The following FAM161A variants were observed in gnomAD, a reference collection of about 807,000 sequenced individuals.
FAM161A encodes the protein protein FAM161A.
A neutral mutation model predicts 70.9 loss-of-function variants in FAM161A; 57 were observed. The observed-to-expected ratio is 0.80, with a 90% CI of 0.65 to 1.00. The LOEUF is 1.00. Among genes scored for constraint, FAM161A ranks in the 50% least tolerant of loss-of-function variants. The pLI, the probability that FAM161A is intolerant of heterozygous loss-of-function variation, is 0.00. For missense variants in FAM161A, 880 were observed against 836.0 expected (o/e 1.05, Z -0.65); for synonymous variants, 299 against 295.7 (o/e 1.01, Z -0.12).
chr2:61,853,288 T>A (rs144839238), intron 1 of FAM161A, among the ~76,000 whole-genome samples: 40 of 152,208 alleles, frequency 2.6e-4, no homozygotes, highest in African/African-American at 8.9e-4. Flanking sequence ...CACAACAGAT[T>A]TAACAATGAA....
At chr2:61,823,362 CAT>C (rs59631970), downstream of FAM161A, among the ~76,000 whole-genome samples, 2,022 of 120,016 alleles carry the variant, frequency 0.017, 139 homozygotes, top group African/African-American at 0.059. Context: ...AATTTTCCAT[CAT>C]ATATATATAT....
chr2:61,803,416 G>C, the FAM161A span: 1 of 686,014 alleles, frequency 1.5e-6, no homozygotes, highest in South Asian at 1.5e-5. Flanking sequence ...GAACAGAATG[G>C]AGAAAGTCAG....
chr2:61,849,514 G>A lies in FAM161A; in HGVS notation c.183+4345C>T, dbSNP rs574990341. Reference sequence around the variant, plus strand: ...AAAATAAAAAAATTAGGCCAGGATGGTGGCTCAGGCCTGTAATCACAGCAC... The same window carrying A: ...AAAATAAAAAAATTAGGCCAGGATGATGGCTCAGGCCTGTAATCACAGCAC... On this transcript the variant is annotated intron_variant, in intron 1 of 6. Coordinates refer to ENST00000404929, the MANE Select transcript of FAM161A (RefSeq NM_001201543.2). Among the ~76,000 whole-genome samples the A allele has an allele frequency of 3.3e-5, 5 of 152,060 alleles. No homozygotes were observed. The South Asian group carries it at 8.3e-4, about 25-fold the overall frequency.
At chr2:61,846,910 G>A (rs1178079423) in intron 1 of FAM161A, 1 of 454,938 alleles carries the variant, frequency 2.2e-6, no homozygotes, top group African/African-American at 2.0e-5. Context: ...GCCAGGCACA[G>A]TGGTTCATGC....
chr2:61,850,252 C>T (rs889280930), intron 1 of FAM161A, among the ~76,000 whole-genome samples: 33 of 152,050 alleles, frequency 2.2e-4, no homozygotes, highest in South Asian at 2.1e-4. Flanking sequence ...CAAAATTAGC[C>T]GGGCGTGGTG....
In FAM161A at chr2:61,838,696, A is replaced by C; in HGVS notation, c.1593T>G (p.Leu531=). 1.2e-6 allele frequency: 2 copies of C among 1,607,306 alleles called. No homozygotes were observed. Among genetic ancestry groups the C allele is most frequent in the Non-Finnish European group, 1.7e-6 (2 of 1,177,360 alleles). The part of the protein sequence containing the change: ...RGREQAVRRS[L]EEKKMLEEER... ...CTTCTTCCAACATTTTCTTTTCCTCAAGTGATCTCCTGAGGGTAACAAACT... is the reference window on the plus strand; with the variant it reads ...CTTCTTCCAACATTTTCTTTTCCTCCAGTGATCTCCTGAGGGTAACAAACT... The change falls in exon 4 of 7, where the codon CTT becomes CTG. Residue 531 remains leucine (L), a synonymous_variant. Coordinates refer to ENST00000404929, the MANE Select transcript of FAM161A (RefSeq NM_001201543.2).
At chr2:61,804,768 GAGAAAGAAAGAA>G in the FAM161A span, among the ~76,000 whole-genome samples, 399 of 119,034 alleles carry the variant, frequency 3.4e-3, 2 homozygotes, top group Middle Eastern at 0.042. Context: ...GAAAAAGAAA[GAGAAAGAAAGAA>G]AGAAAGAAAG....
downstream of FAM161A, chr2:61,820,201 A>G: frequency 1.8e-6 from 1 of 557,424 alleles, no homozygotes; most frequent in Non-Finnish European, 3.2e-6. Flanking sequence ...CACTGCTGTC[A>G]TGTCTAAGTC....
the FAM161A span, among the ~76,000 whole-genome samples, chr2:61,814,574 A>G: frequency 1.3e-5 from 2 of 152,040 alleles, no homozygotes; most frequent in Non-Finnish European, 1.5e-5. Flanking sequence ...AATTAGCCAG[A>G]CTTGATGATG....
chr2:61,802,036 A>T, the FAM161A span, among the ~76,000 whole-genome samples: 1 of 152,200 alleles, frequency 6.6e-6, no homozygotes, highest in Non-Finnish European at 1.5e-5. Context: ...ATCAGATTTA[A>T]TTTTCAATTA....
chr2:61,815,535 C>CTTTT, the FAM161A span, among the ~76,000 whole-genome samples: 120 of 53,252 alleles, frequency 2.3e-3, 4 homozygotes, highest in African/African-American at 2.5e-3. Context: ...AAAGATGTGT[C>CTTTT]TTTTTTTTTT....
chr2:61,829,242 T>C (rs1436128652), intron 5 of FAM161A, among the ~76,000 whole-genome samples: 1 of 152,182 alleles, frequency 6.6e-6, no homozygotes, highest in Non-Finnish European at 1.5e-5. Flanking sequence ...TTTCTCTAAG[T>C]GGTAGTGGTC....
the FAM161A span, among the ~76,000 whole-genome samples, chr2:61,806,680 CTTTTTTTTTTT>C: frequency 0.1 from 6,245 of 61,304 alleles, 125 homozygotes; most frequent in Middle Eastern, 0.17. Flanking sequence ...CTTTCCACGT[CTTTTTTTTTTT>C]TTTTTTTTTT....
At chr2:61,839,388 T>C (rs766078167) in intron 3 of FAM161A, 33 bp downstream of exon 3, 6 of 1,606,914 alleles carry the variant, frequency 3.7e-6, no homozygotes, top group African/African-American at 1.3e-5. Flanking sequence ...CTGGCAACCA[T>C]GAGTCAGTCA....
the FAM161A span, among the ~76,000 whole-genome samples, chr2:61,802,759 A>T: frequency 6.6e-6 from 1 of 152,212 alleles, no homozygotes; most frequent in Admixed American, 6.6e-5. Flanking sequence ...CCTATGCACC[A>T]GGCACTATAG....
chr2:61,814,394 A>C, the FAM161A span, among the ~76,000 whole-genome samples: 1 of 152,344 alleles, frequency 6.6e-6, no homozygotes, highest in South Asian at 2.1e-4. Flanking sequence ...TGCTTGCTGT[A>C]ACATGAGTTG....
At chr2:61,809,509 C>T in the FAM161A span, among the ~76,000 whole-genome samples, 1 of 152,184 alleles carries the variant, frequency 6.6e-6, no homozygotes, top group Admixed American at 6.5e-5. Flanking sequence ...TCTCCGTTAG[C>T]ATGTCTATGG....
chr2:61,809,060 A>C, the FAM161A span, among the ~76,000 whole-genome samples: 3 of 152,104 alleles, frequency 2.0e-5, no homozygotes, highest in Non-Finnish European at 4.4e-5. Flanking sequence ...TTTAGTAGAG[A>C]CGAGGTTTTG....
the FAM161A span, among the ~76,000 whole-genome samples, chr2:61,813,367 C>T: frequency 7.0e-6 from 1 of 143,112 alleles, no homozygotes; most frequent in African/African-American, 2.6e-5. Context: ...ATGGTGACAC[C>T]TCGTCTCTAC....
Sources: allele counts gnomAD v4.1 joint callset (sites outside exome capture counted in the v4.1 genomes callset), GRCh38; gene constraint gnomAD v4.1.1; transcripts MANE v1.5; gene names NCBI Gene and HGNC (gene_info 2026-07-23, HGNC 2026-07-21).